STX8: variants seen among roughly 807,000 people sequenced by gnomAD.
The protein encoded by STX8 is syntaxin-8.
In STX8, 23 loss-of-function variants were observed where a neutral mutation model predicts 37.5. That is an observed-to-expected ratio of 0.61 (90% CI 0.44 to 0.87). STX8 has a LOEUF of 0.87. Ranked by LOEUF, STX8 falls within the 40% of genes least tolerant of loss-of-function variation. The pLI, the probability that STX8 is intolerant of heterozygous loss-of-function variation, is 0.00. For synonymous variants in STX8, 115 were observed against 99.1 expected (o/e 1.16, Z -0.95); for missense variants, 313 against 284.7 (o/e 1.10, Z -0.71).
intron 7 of STX8, among the ~76,000 whole-genome samples, chr17:9,339,657 A>G (rs1910270252): frequency 6.6e-6 from 1 of 151,996 alleles, no homozygotes; most frequent in Admixed American, 6.6e-5. Context: ...GTGAGACACC[A>G]TCTAAAAAAA....
At chr17:9,278,276 C>A (rs1907748454) in intron 7 of STX8, among the ~76,000 whole-genome samples, 1 of 152,206 alleles carries the variant, frequency 6.6e-6, no homozygotes, top group African/African-American at 2.4e-5. Flanking sequence ...AGAGAAAACC[C>A]CGTCTCTACT....
intron 6 of STX8, among the ~76,000 whole-genome samples, chr17:9,394,158 C>T (rs1912319720): frequency 6.6e-6 from 1 of 152,006 alleles, no homozygotes; most frequent in Admixed American, 6.6e-5. Context: ...AGGGCAGCGC[C>T]GCAAGGAAGG....
chr17:9,477,582 GT>G (rs1227786681), intron 6 of STX8, among the ~76,000 whole-genome samples: 1 of 152,144 alleles, frequency 6.6e-6, no homozygotes, highest in Non-Finnish European at 1.5e-5. Flanking sequence ...GAAGAGCTGA[GT>G]AATAAAATGG....
intron 7 of STX8, among the ~76,000 whole-genome samples, chr17:9,254,103 A>T (rs1215372560): frequency 6.6e-6 from 1 of 152,132 alleles, no homozygotes; most frequent in Admixed American, 6.5e-5. Flanking sequence ...TGAAACTGAG[A>T]TCCAAACTTT....
intron 6 of STX8, among the ~76,000 whole-genome samples, chr17:9,458,157 T>G (rs1160721971): frequency 2.0e-5 from 3 of 152,184 alleles, no homozygotes; most frequent in Non-Finnish European, 4.4e-5. Flanking sequence ...GGCTTTTAAT[T>G]TTATTTTTTT....
chr17:9,558,169 G>GGGGAGAAGAGA (rs1178981603), intron 2 of STX8, among the ~76,000 whole-genome samples: 1 of 152,150 alleles, frequency 6.6e-6, no homozygotes, highest in African/African-American at 2.4e-5. Flanking sequence ...TGGAGAAGAG[G>GGGGAGAAGAGA]GCGAGAAGAG....
intron 4 of STX8, among the ~76,000 whole-genome samples, chr17:9,536,315 G>A (rs1906051205): frequency 6.6e-6 from 1 of 152,132 alleles, no homozygotes; most frequent in African/African-American, 2.4e-5. Flanking sequence ...TCGAGTATCG[G>A]GAGATGAAGG....
chr17:9,519,121 T>C (rs570707773), intron 4 of STX8, among the ~76,000 whole-genome samples: 1 of 152,248 alleles, frequency 6.6e-6, no homozygotes, highest in African/African-American at 2.4e-5. Flanking sequence ...CTCCCACCCC[T>C]TACCTGATTG....
chr17:9,426,970 T>C (rs1054988941), intron 6 of STX8, among the ~76,000 whole-genome samples: 1 of 152,142 alleles, frequency 6.6e-6, no homozygotes, highest in East Asian at 1.9e-4. Context: ...AGAAAGATAG[T>C]CTGAAATTCC....
intron 4 of STX8, 92 bp downstream of exon 4, chr17:9,545,079 TA>T: frequency 1.4e-6 from 1 of 735,310 alleles, no homozygotes; most frequent in Non-Finnish European, 2.3e-6. Context: ...AGATTTTGAT[TA>T]ATTCCTAAAG....
At position 9,520,538 on chromosome 17, in the gene STX8, T is replaced by C. The variant is rs970270674; in HGVS notation, c.324-15376A>G. ...AAACTTTTCAAATAAATGAAACTTA[T>C]CAAATAAATGCCACATCAGTAAATA... On this transcript the variant is annotated intron_variant, in intron 4 of 7. Transcript: ENST00000306357. Among the ~76,000 whole-genome samples the C allele has an allele frequency of 3.1e-4, 47 of 152,236 alleles. 1 individual carries two copies. The highest frequency in any genetic ancestry group is 3.1e-3 in the Admixed American group (47 of 15,282).
intron 6 of STX8, among the ~76,000 whole-genome samples, chr17:9,447,947 G>A (rs1904907346): frequency 6.6e-6 from 1 of 151,744 alleles, no homozygotes; most frequent in South Asian, 2.1e-4. Context: ...GGGAGGCCGA[G>A]GCAGGCAGAT....
At chr17:9,535,916 C>T (rs946582681) in intron 4 of STX8, among the ~76,000 whole-genome samples, 7 of 152,036 alleles carry the variant, frequency 4.6e-5, no homozygotes, top group African/African-American at 1.7e-4. Context: ...ATGACAAAAC[C>T]TTACGTCACG....
chr17:9,268,724 C>T (rs971908392), intron 7 of STX8, among the ~76,000 whole-genome samples: 1 of 152,166 alleles, frequency 6.6e-6, no homozygotes, highest in Non-Finnish European at 1.5e-5. Context: ...CTCTTCAACC[C>T]CGACTCAGCT....
intron 7 of STX8, among the ~76,000 whole-genome samples, chr17:9,277,263 A>C (rs1395927359): frequency 6.6e-6 from 1 of 152,126 alleles, no homozygotes; most frequent in Non-Finnish European, 1.5e-5. Flanking sequence ...GAATGTCCCT[A>C]CCGCTATTTC....
chr17:9,477,033 T>A lies in STX8; in HGVS notation c.541+14796A>T, dbSNP rs559940346. 2.0e-4 allele frequency among the ~76,000 whole-genome samples: 30 copies of A among 152,122 alleles called. 1 individual carries two copies. Among genetic ancestry groups the A allele is most frequent in the Admixed American group, 1.9e-3 (29 of 15,268 alleles). Reference sequence around the variant, plus strand: ...GCTAATTTTTTTATTATTATTATTATTTCTTGTAGAGATGGGGTCTCCCTG... The same window carrying A: ...GCTAATTTTTTTATTATTATTATTAATTCTTGTAGAGATGGGGTCTCCCTG... On this transcript the variant is annotated intron_variant, in intron 6 of 7. Coordinates refer to ENST00000306357, the MANE Select transcript of STX8 (RefSeq NM_004853.3).
At chr17:9,476,588 G>A (rs934894563) in intron 6 of STX8, among the ~76,000 whole-genome samples, 2 of 151,768 alleles carry the variant, frequency 1.3e-5, no homozygotes, top group Non-Finnish European at 2.9e-5. Flanking sequence ...AAGTAGCTGG[G>A]ATTAGAGGCA....
chr17:9,436,227 C>T (rs1307176855), intron 6 of STX8, among the ~76,000 whole-genome samples: 1 of 151,736 alleles, frequency 6.6e-6, no homozygotes, highest in Non-Finnish European at 1.5e-5. Context: ...CGCCTGTAGT[C>T]CCAGCTACTT....
intron 6 of STX8, among the ~76,000 whole-genome samples, chr17:9,456,678 T>C (rs1206324655): frequency 6.6e-6 from 1 of 152,176 alleles, no homozygotes; most frequent in African/African-American, 2.4e-5. Context: ...AAAGAGACTC[T>C]GAATGCCTGG....
Sources: allele counts gnomAD v4.1 joint callset (sites outside exome capture counted in the v4.1 genomes callset), GRCh38; gene constraint gnomAD v4.1.1; transcripts MANE v1.5; gene names NCBI Gene and HGNC (gene_info 2026-07-23, HGNC 2026-07-21).